RNGTT: variants seen among roughly 807,000 people sequenced by gnomAD.
RNGTT encodes RNA guanylyltransferase and 5'-phosphatase.
Under a neutral mutation model 79.3 loss-of-function variants are expected in RNGTT, and 33 were observed. The observed-to-expected ratio is 0.42, with a 90% CI of 0.32 to 0.56. The LOEUF is 0.56. Ranked by LOEUF, RNGTT falls within the 20% of genes least tolerant of loss-of-function variation. The pLI is 0.17. For missense variants in RNGTT, 497 were observed against 739.1 expected (o/e 0.67, Z 3.80); for synonymous variants, 222 against 235.9 (o/e 0.94, Z 0.54).
intron 11 of RNGTT, among the ~76,000 whole-genome samples, chr6:88,802,134 A>T (rs2127863577): frequency 6.6e-6 from 1 of 152,348 alleles, no homozygotes; most frequent in Admixed American, 6.5e-5. Flanking sequence ...CATGAAGATT[A>T]TAGTCCAAAG....
intron 13 of RNGTT, among the ~76,000 whole-genome samples, chr6:88,695,998 G>A (rs1775647344): frequency 6.6e-6 from 1 of 152,142 alleles, no homozygotes. Flanking sequence ...CCAAAGGTTA[G>A]GGGATGGGGG....
intron 14 of RNGTT, among the ~76,000 whole-genome samples, chr6:88,673,376 C>G (rs1202977361): frequency 6.6e-6 from 1 of 152,182 alleles, no homozygotes; most frequent in Non-Finnish European, 1.5e-5. Context: ...TTCATATTCA[C>G]AAGTCAGGTA....
At chr6:88,776,341 C>T (rs528933553) in intron 12 of RNGTT, among the ~76,000 whole-genome samples, 142 of 139,754 alleles carry the variant, frequency 1.0e-3, no homozygotes, top group African/African-American at 3.5e-3. Context: ...TTTTTTGAGA[C>T]GGAGTTTCCC....
At chr6:88,960,246 A>T (rs1582182024) in intron 1 of RNGTT, among the ~76,000 whole-genome samples, 1 of 152,246 alleles carries the variant, frequency 6.6e-6, no homozygotes, top group African/African-American at 2.4e-5. Flanking sequence ...CACAAAGTAG[A>T]CATTTAAATA....
At chr6:88,614,634 T>C (rs937880006) in intron 14 of RNGTT, among the ~76,000 whole-genome samples, 1 of 152,168 alleles carries the variant, frequency 6.6e-6, no homozygotes, top group African/African-American at 2.4e-5. Flanking sequence ...TATATAGCAA[T>C]TAAAAGAAGC....
chr6:88,733,441 A>T (rs1365257586), intron 13 of RNGTT, among the ~76,000 whole-genome samples: 1 of 151,416 alleles, frequency 6.6e-6, no homozygotes. Context: ...ATATTCCAAG[A>T]ACTGTGGGAT....
intron 11 of RNGTT, among the ~76,000 whole-genome samples, chr6:88,826,822 G>T (rs9359822): frequency 3.6e-5 from 3 of 82,238 alleles, no homozygotes; most frequent in African/African-American, 1.5e-4. Context: ...ATATATGTGT[G>T]TGTATATATA....
At chr6:88,798,025 G>T (rs570610086) in intron 12 of RNGTT, among the ~76,000 whole-genome samples, 1 of 151,278 alleles carries the variant, frequency 6.6e-6, no homozygotes, top group African/African-American at 2.4e-5. Flanking sequence ...AGACTGTTTG[G>T]TAAGAGACTG....
At chr6:88,942,716 A>G (rs1784890361) in intron 1 of RNGTT, among the ~76,000 whole-genome samples, 1 of 152,190 alleles carries the variant, frequency 6.6e-6, no homozygotes, top group South Asian at 2.1e-4. Context: ...GCCTAAGTGA[A>G]GTCTTAACAT....
chr6:88,914,733 A>T (rs1157496508), intron 4 of RNGTT, among the ~76,000 whole-genome samples: 1 of 152,176 alleles, frequency 6.6e-6, no homozygotes, highest in Non-Finnish European at 1.5e-5. Context: ...GCCTAGGCAT[A>T]GAATTTATGT....
At chr6:88,891,400 T>C (rs1311219629) in intron 7 of RNGTT, among the ~76,000 whole-genome samples, 1 of 152,146 alleles carries the variant, frequency 6.6e-6, no homozygotes, top group Non-Finnish European at 1.5e-5. Context: ...CTGAAAGATA[T>C]TTTCAAGTCA....
intron 6 of RNGTT, 141 bp downstream of exon 6, chr6:88,904,574 A>AATT: frequency 3.5e-6 from 3 of 867,688 alleles, no homozygotes; most frequent in South Asian, 2.4e-5. Context: ...AAAAAAAAAA[A>AATT]TTTTTTTTTT....
At chr6:88,675,598 T>C (rs1774839663) in intron 14 of RNGTT, among the ~76,000 whole-genome samples, 2 of 152,090 alleles carry the variant, frequency 1.3e-5, no homozygotes, top group Admixed American at 1.3e-4. Flanking sequence ...CTGTCCTTAT[T>C]AGTAGAGAAC....
In RNGTT at chr6:88,761,048, CACACAT is replaced by C. The variant is rs1293449852; in HGVS notation, c.1439+8720_1439+8725del. On this transcript the variant is annotated intron_variant, in intron 13 of 15. Transcript: ENST00000369485. The stretch of plus-strand genomic sequence containing the variant: ...ACACACACACACACACACACACACA[CACACAT>C]ACACTCTAGTCAGCAGAGTAAAAAG... 1.7e-3 allele frequency among the ~76,000 whole-genome samples: 255 copies of C among 148,330 alleles called. 1 individual carries two copies. Among genetic ancestry groups the C allele is most frequent in the African/African-American group, 6.1e-3 (243 of 39,718 alleles).
At chr6:88,818,875 G>C (rs1370959625) in intron 11 of RNGTT, among the ~76,000 whole-genome samples, 2 of 152,226 alleles carry the variant, frequency 1.3e-5, no homozygotes, top group Admixed American at 1.3e-4. Context: ...GCTATATTTA[G>C]TTAGCCAAAA....
intron 9 of RNGTT, among the ~76,000 whole-genome samples, chr6:88,850,081 C>T (rs574752140): frequency 6.6e-6 from 1 of 151,910 alleles, no homozygotes; most frequent in Non-Finnish European, 1.5e-5. Flanking sequence ...AATTTCCATG[C>T]TACATTTTGC....
rs1303688973 is a variant in RNGTT, at chr6:88,771,315, G to GTGTGTATATATATATA, written c.1339-1442_1339-1441insTATATATATATACACA. On this transcript the variant is annotated intron_variant, in intron 12 of 15. Transcript: ENST00000369485. Reference sequence around the variant, plus strand: ...ACTGTATGTATGTATGTGTGTGTGTGTATATATATATATATATATATATAT... The same window carrying GTGTGTATATATATATA: ...ACTGTATGTATGTATGTGTGTGTGTGTGTGTATATATATATATATATATATATATATATATATATAT... Among the ~76,000 whole-genome samples, 46 of 62,054 alleles carry GTGTGTATATATATATA rather than the reference G, an allele frequency of 7.4e-4. 1 individual carries two copies. Among genetic ancestry groups the GTGTGTATATATATATA allele is most frequent in the African/African-American group, 2.4e-3 (36 of 15,122 alleles). The allele number at this position is 62,054 out of a possible 152,430, so 40.7% of individuals were successfully genotyped here. A position where few individuals can be genotyped will look rare whatever the true frequency, so the allele number is the denominator to read the frequency against.
At chr6:88,630,253 G>A (rs545358583) in intron 14 of RNGTT, among the ~76,000 whole-genome samples, 151 of 152,342 alleles carry the variant, frequency 9.9e-4, no homozygotes, top group African/African-American at 3.4e-3. Flanking sequence ...GCTGCCAGCT[G>A]CCAAAGAAGA....
chr6:88,661,199 G>A lies in RNGTT; in HGVS notation c.1506+17154C>T, dbSNP rs186800697. On this transcript the variant is annotated intron_variant, in intron 14 of 15. Coordinates refer to ENST00000369485, the MANE Select transcript of RNGTT (RefSeq NM_003800.5). ...AAGAGGAAAGTTCATAGCATTAAAC[G>A]CCTACATCAAAAAGTCTGAAAGAGC... Among the ~76,000 whole-genome samples the A allele has an allele frequency of 1.9e-3, 290 of 152,106 alleles. 4 individuals are homozygous for A. Among genetic ancestry groups the A allele is most frequent in the African/African-American group, 6.8e-3 (283 of 41,498 alleles).
Sources: gnomAD v4.1 joint callset for allele counts (sites outside exome capture counted in the v4.1 genomes callset) on GRCh38, gnomAD v4.1.1 for gene constraint, MANE v1.5 for transcripts, NCBI Gene and HGNC (gene_info 2026-07-23, HGNC 2026-07-21) for gene names.